C1orf21: variants seen among roughly 807,000 people sequenced by gnomAD.
The protein encoded by C1orf21 is chromosome 1 open reading frame 21.
A neutral mutation model predicts 18.7 loss-of-function variants in C1orf21; 3 were observed. The observed-to-expected ratio is 0.16, with a 90% CI of 0.07 to 0.42. The LOEUF is 0.42. Among genes scored for constraint, C1orf21 ranks in the 10% least tolerant of loss-of-function variants. C1orf21 has a pLI of 0.99. For synonymous variants in C1orf21, 41 were observed against 46.4 expected (o/e 0.88, Z 0.47); for missense variants, 104 against 143.6 (o/e 0.72, Z 1.41).
chr1:184,425,937 C>A (rs1656630453), intron 1 of C1orf21, among the ~76,000 whole-genome samples: 1 of 152,244 alleles, frequency 6.6e-6, no homozygotes, highest in African/African-American at 2.4e-5. Flanking sequence ...CTTTATGACT[C>A]TTCCCCTTCA....
chr1:184,559,050 G>A (rs1658916328), intron 3 of C1orf21, among the ~76,000 whole-genome samples: 1 of 152,154 alleles, frequency 6.6e-6, no homozygotes, highest in African/African-American at 2.4e-5. Context: ...TGTAAAATGT[G>A]GATAGGGAGT....
chr1:184,615,275 C>G (rs974893598), intron 5 of C1orf21, among the ~76,000 whole-genome samples: 1 of 152,088 alleles, frequency 6.6e-6, no homozygotes, highest in Non-Finnish European at 1.5e-5. Context: ...AGGGTGTGGT[C>G]GGAAAAATTT....
chr1:184,589,148 T>C (rs1455782670), intron 3 of C1orf21, among the ~76,000 whole-genome samples: 5 of 152,240 alleles, frequency 3.3e-5, no homozygotes, highest in African/African-American at 1.2e-4. Flanking sequence ...TACAGTGCAT[T>C]TCTTTTAAGC....
chr1:184,475,554 C>T (rs747071824), intron 1 of C1orf21, among the ~76,000 whole-genome samples: 1 of 152,108 alleles, frequency 6.6e-6, no homozygotes, highest in Non-Finnish European at 1.5e-5. Flanking sequence ...TTGAATTCTG[C>T]ATTGCCATAG....
chr1:184,401,092 A>C (rs1162430527), intron 1 of C1orf21, among the ~76,000 whole-genome samples: 1 of 152,118 alleles, frequency 6.6e-6, no homozygotes, highest in Non-Finnish European at 1.5e-5. Context: ...TATCTCTCTG[A>C]TTCTGAGCTA....
intron 3 of C1orf21, among the ~76,000 whole-genome samples, chr1:184,588,783 A>G (rs1659396923): frequency 6.6e-6 from 1 of 152,226 alleles, no homozygotes; most frequent in Non-Finnish European, 1.5e-5. Context: ...AACTGAGCAA[A>G]CACATTGTAA....
intron 1 of C1orf21, among the ~76,000 whole-genome samples, chr1:184,468,606 A>G (rs1657443579): frequency 1.3e-5 from 2 of 152,244 alleles, no homozygotes; most frequent in Admixed American, 1.3e-4. Flanking sequence ...AAATATGAAT[A>G]GGCTTTTTTG....
intron 1 of C1orf21, among the ~76,000 whole-genome samples, chr1:184,475,238 GA>G (rs1419715426): frequency 1.3e-5 from 2 of 152,142 alleles, no homozygotes; most frequent in African/African-American, 2.4e-5. Context: ...GGATCAGAAA[GA>G]GTACCTATGG....
chr1:184,488,521 A>T (rs1054280841), intron 2 of C1orf21, among the ~76,000 whole-genome samples: 8 of 152,226 alleles, frequency 5.3e-5, no homozygotes, highest in African/African-American at 1.4e-4. Flanking sequence ...AAATAAAAAG[A>T]TATACCAATT....
intron 3 of C1orf21, among the ~76,000 whole-genome samples, chr1:184,571,177 G>T (rs1259694628): frequency 6.7e-6 from 1 of 150,344 alleles, no homozygotes; most frequent in Non-Finnish European, 1.5e-5. Flanking sequence ...GGCGCCTGTA[G>T]TCCCAGCTAC....
chr1:184,404,902 C>G (rs981314117), intron 1 of C1orf21, among the ~76,000 whole-genome samples: 3 of 152,124 alleles, frequency 2.0e-5, no homozygotes, highest in African/African-American at 7.2e-5. Flanking sequence ...GCTTGGATTT[C>G]TATTTGTTTG....
intron 1 of C1orf21, among the ~76,000 whole-genome samples, chr1:184,448,027 C>G (rs1295700839): frequency 6.6e-6 from 1 of 152,160 alleles, no homozygotes; most frequent in Non-Finnish European, 1.5e-5. Flanking sequence ...CATCCCTTAC[C>G]ACCACCCTAC....
chr1:184,592,026 G>A (rs1558010062), intron 4 of C1orf21, among the ~76,000 whole-genome samples: 1 of 152,126 alleles, frequency 6.6e-6, no homozygotes, highest in Non-Finnish European at 1.5e-5. Flanking sequence ...TATGTTGTCT[G>A]TTAGTATATG....
intron 1 of C1orf21, among the ~76,000 whole-genome samples, chr1:184,431,586 A>C (rs1276066227): frequency 6.6e-6 from 1 of 152,218 alleles, no homozygotes; most frequent in Non-Finnish European, 1.5e-5. Flanking sequence ...AAAACACCAA[A>C]AGCAATAGCA....
intron 3 of C1orf21, among the ~76,000 whole-genome samples, chr1:184,528,246 A>G (rs1014112698): frequency 6.6e-6 from 1 of 152,200 alleles, no homozygotes; most frequent in African/African-American, 2.4e-5. Flanking sequence ...CTCATTTCAT[A>G]TTATAGCAGC....
intron 5 of C1orf21, among the ~76,000 whole-genome samples, chr1:184,607,085 G>A (rs993612025): frequency 6.6e-6 from 1 of 152,134 alleles, no homozygotes; most frequent in Non-Finnish European, 1.5e-5. Context: ...CCTAGAGAAA[G>A]CATTCTTGGA....
At chr1:184,534,153 T>G (rs554144294) in intron 3 of C1orf21, among the ~76,000 whole-genome samples, 1 of 152,304 alleles carries the variant, frequency 6.6e-6, no homozygotes, top group South Asian at 2.1e-4. Flanking sequence ...ATTGCATAGT[T>G]TATAGAGTGC....
chr1:184,612,894 A>G (rs1659759949), intron 5 of C1orf21, among the ~76,000 whole-genome samples: 1 of 152,162 alleles, frequency 6.6e-6, no homozygotes, highest in Non-Finnish European at 1.5e-5. Flanking sequence ...GAATTGTTCT[A>G]TTATTAGTTG....
At chr1:184,397,478 T>C (rs1216629155) in intron 1 of C1orf21, among the ~76,000 whole-genome samples, 1 of 151,738 alleles carries the variant, frequency 6.6e-6, no homozygotes, top group Non-Finnish European at 1.5e-5. Context: ...CCCAGCTACT[T>C]GGGAGGCTGA....
Sources: gnomAD v4.1 joint callset for allele counts (sites outside exome capture counted in the v4.1 genomes callset) on GRCh38, gnomAD v4.1.1 for gene constraint, MANE v1.5 for transcripts, NCBI Gene and HGNC (gene_info 2026-07-23, HGNC 2026-07-21) for gene names.